Variants in SKAP1 observed in about 807,000 individuals in gnomAD.
SKAP1 encodes src kinase-associated phosphoprotein 1.
SKAP1 carries 44 observed loss-of-function variants against 58.5 expected under a neutral mutation model. That is an observed-to-expected ratio of 0.75 (90% CI 0.59 to 0.97). SKAP1 has a LOEUF of 0.97. Ranked by LOEUF, SKAP1 falls within the 50% of genes least tolerant of loss-of-function variation. SKAP1 has a pLI of 0.00. For synonymous variants in SKAP1, 127 were observed against 149.7 expected, an observed-to-expected ratio of 0.85 and a Z score of 1.11; for missense variants, 390 against 435.2, an observed-to-expected ratio of 0.90 and a Z score of 0.92.
intron 10 of SKAP1, among the ~76,000 whole-genome samples, chr17:48,164,053 G>T (rs1033519230): frequency 6.6e-6 from 1 of 152,242 alleles, no homozygotes; most frequent in Non-Finnish European, 1.5e-5. Flanking sequence ...TTCTGCCACA[G>T]AGTTGATAAT....
chr17:48,355,476 C>T (rs1036946080), intron 3 of SKAP1, among the ~76,000 whole-genome samples: 1 of 152,142 alleles, frequency 6.6e-6, no homozygotes, highest in African/African-American at 2.4e-5. Flanking sequence ...TGGGGTCTCT[C>T]TGTATTGCCC....
Position 48,137,225 on chromosome 17 carries a change from A to G in SKAP1, c.*7+4T>C. On this transcript the variant is annotated splice_donor_region_variant and intron_variant, in intron 12 of 12. Coordinates refer to ENST00000336915, the MANE Select transcript of SKAP1 (RefSeq NM_003726.4). ...AGGCAGTTCATTGGCCATGGTTCTG[A>G]TACCTGGGTTTCATCTTTCTTCCAC... The G allele has an allele frequency of 6.3e-7, 1 of 1,595,780 alleles. No individual in the cohort carries two copies. The highest frequency in any genetic ancestry group is 8.6e-7 in the Non-Finnish European group (1 of 1,163,578).
intron 4 of SKAP1, among the ~76,000 whole-genome samples, chr17:48,333,361 C>T (rs991120739): frequency 3.3e-5 from 5 of 152,114 alleles, no homozygotes; most frequent in Non-Finnish European, 1.5e-5. Context: ...AAAATGTAAA[C>T]GCTCTGAAAG....
At chr17:48,357,648 A>G (rs1204980061) in intron 3 of SKAP1, among the ~76,000 whole-genome samples, 1 of 152,132 alleles carries the variant, frequency 6.6e-6, no homozygotes, top group Non-Finnish European at 1.5e-5. Context: ...AGAAAAAAGA[A>G]GAATCTTTGA....
chr17:48,416,842 T>C (rs1035696406), intron 1 of SKAP1, among the ~76,000 whole-genome samples: 1 of 152,228 alleles, frequency 6.6e-6, no homozygotes, highest in Admixed American at 6.5e-5. Context: ...CATTAGGATT[T>C]CTGCAGTCAC....
intron 11 of SKAP1, among the ~76,000 whole-genome samples, chr17:48,155,509 G>A (rs907553712): frequency 6.6e-6 from 1 of 152,164 alleles, no homozygotes; most frequent in African/African-American, 2.4e-5. Context: ...GCTAGGACTT[G>A]TGACTTGTCT....
At chr17:48,406,157 T>A (rs2067580361) in intron 1 of SKAP1, among the ~76,000 whole-genome samples, 1 of 146,238 alleles carries the variant, frequency 6.8e-6, no homozygotes, top group Admixed American at 6.8e-5. Flanking sequence ...CCCAGCCACA[T>A]GGGAGGCTGA....
intron 2 of SKAP1, among the ~76,000 whole-genome samples, chr17:48,364,799 G>T: frequency 6.6e-6 from 1 of 152,188 alleles, no homozygotes; most frequent in East Asian, 1.9e-4. Flanking sequence ...CAAGAATGGG[G>T]CTCTTGCAGT....
Position 48,317,190 on chromosome 17 carries a change from G to T in SKAP1, c.280+28715C>A, listed in dbSNP as rs372936098. Among the ~76,000 whole-genome samples, 5 of 152,138 alleles carry T rather than the reference G, an allele frequency of 3.3e-5. No homozygotes were observed. In the East Asian group the frequency reaches 5.8e-4, roughly 18 times the overall value. On this transcript the variant is annotated intron_variant, in intron 4 of 12. Coordinates refer to ENST00000336915, the MANE Select transcript of SKAP1 (RefSeq NM_003726.4). ...GTTGACAAGGCTGAATGAAGAGAAG[G>T]GACTCCCAATGGAAATAAACCTATG...
chr17:48,323,424 A>T (rs2144232502), intron 4 of SKAP1, among the ~76,000 whole-genome samples: 1 of 152,232 alleles, frequency 6.6e-6, no homozygotes, highest in African/African-American at 2.4e-5. Flanking sequence ...AAAACCAAAT[A>T]AAAATTTCTC....
chr17:48,436,386 G>C, the SKAP1 span, among the ~76,000 whole-genome samples: 1 of 151,944 alleles, frequency 6.6e-6, no homozygotes, highest in Non-Finnish European at 1.5e-5. Flanking sequence ...ACTGTACCCG[G>C]CCTCTATTCT....
At chr17:48,274,054 G>T (rs922253139) in intron 4 of SKAP1, among the ~76,000 whole-genome samples, 10 of 152,092 alleles carry the variant, frequency 6.6e-5, no homozygotes, top group Non-Finnish European at 1.3e-4. Context: ...CTCCTGAGTA[G>T]GTAGGTCAAT....
intron 3 of SKAP1, among the ~76,000 whole-genome samples, chr17:48,349,069 G>A (rs2066761388): frequency 6.6e-6 from 1 of 152,212 alleles, no homozygotes; most frequent in Non-Finnish European, 1.5e-5. Context: ...GGCACACACA[G>A]AAACAAGGCT....
intron 2 of SKAP1, among the ~76,000 whole-genome samples, chr17:48,374,481 T>C (rs1323997493): frequency 6.6e-6 from 1 of 152,182 alleles, no homozygotes; most frequent in South Asian, 2.1e-4. Flanking sequence ...CTGCAAAGGC[T>C]AACACTGAAG....
chr17:48,403,526 A>T (rs1462957872), intron 1 of SKAP1, among the ~76,000 whole-genome samples: 1 of 152,114 alleles, frequency 6.6e-6, no homozygotes, highest in Non-Finnish European at 1.5e-5. Flanking sequence ...AAGTGAAAAC[A>T]TCTCTCAAGC....
At chr17:48,255,568 T>C (rs929433946) in intron 4 of SKAP1, among the ~76,000 whole-genome samples, 8 of 152,022 alleles carry the variant, frequency 5.3e-5, no homozygotes, top group Non-Finnish European at 1.0e-4. Flanking sequence ...CTAACATTGA[T>C]AATCATGTAA....
intron 1 of SKAP1, among the ~76,000 whole-genome samples, chr17:48,400,366 TGGGATTACA>T (rs1202904696): frequency 7.2e-5 from 11 of 152,154 alleles, no homozygotes. Context: ...CCCAAAGTGC[TGGGATTACA>T]GGTGTGAGCC....
At chr17:48,163,080 C>CCA (rs1197015638) in intron 10 of SKAP1, among the ~76,000 whole-genome samples, 1 of 152,140 alleles carries the variant, frequency 6.6e-6, no homozygotes, top group Non-Finnish European at 1.5e-5. Flanking sequence ...TGGGAACTTC[C>CCA]CACCTAGGTA....
At chr17:48,431,854 C>T (rs562341364), upstream of SKAP1, among the ~76,000 whole-genome samples, 120 of 152,204 alleles carry the variant, frequency 7.9e-4, no homozygotes, top group African/African-American at 1.9e-3. Flanking sequence ...ATCTAGCAGA[C>T]GGGGCAAGAG....
Sources: gnomAD v4.1 joint callset for allele counts (sites outside exome capture counted in the v4.1 genomes callset) on GRCh38, gnomAD v4.1.1 for gene constraint, MANE v1.5 for transcripts, NCBI Gene and HGNC (gene_info 2026-07-23, HGNC 2026-07-21) for gene names.